The following SEC24D variants were observed in gnomAD, a reference collection of about 807,000 sequenced individuals.
SEC24D encodes SEC24 homolog D, COPII component, also known as protein transport protein Sec24D.
In SEC24D, 69 loss-of-function variants were observed where a neutral mutation model predicts 116.9. The observed-to-expected ratio is 0.59, with a 90% CI of 0.49 to 0.72. The LOEUF (loss-of-function observed/expected upper bound fraction) is 0.72, where lower values mean the gene tolerates loss of function less well. Among genes scored for constraint, SEC24D ranks in the 30% least tolerant of loss-of-function variants. The pLI, the probability that SEC24D is intolerant of heterozygous loss-of-function variation, is 0.00. For missense variants in SEC24D, 1,131 were observed against 1,264.1 expected (o/e 0.89, Z 1.60); for synonymous variants, 405 against 442.8 (o/e 0.91, Z 1.07).
intron 8 of SEC24D, among the ~76,000 whole-genome samples, chr4:118,770,267 T>A (rs1233336493): frequency 6.6e-6 from 1 of 152,190 alleles, no homozygotes; most frequent in Non-Finnish European, 1.5e-5. Context: ...GTGACAAATG[T>A]TTGTTCTCTT....
intron 4 of SEC24D, chr4:118,816,683 T>C (rs542442610): frequency 1.1e-4 from 37 of 331,254 alleles, no homozygotes; most frequent in African/African-American, 6.9e-4. Context: ...CATGGAAACA[T>C]TCTTCATCTA....
chr4:118,830,507 TAC>T (rs1204147890), intron 2 of SEC24D, among the ~76,000 whole-genome samples: 1 of 152,208 alleles, frequency 6.6e-6, no homozygotes, highest in African/African-American at 2.4e-5. Context: ...TAATGAGTGC[TAC>T]AGTTTGTCAT....
chr4:118,735,357 C>T (rs903764154), intron 19 of SEC24D, among the ~76,000 whole-genome samples: 7 of 152,146 alleles, frequency 4.6e-5, no homozygotes, highest in South Asian at 2.1e-4. Flanking sequence ...TCTCCCCACC[C>T]GACTGACCCC....
At position 118,831,526 on chromosome 4, in the gene SEC24D, C is replaced by A. The variant is rs945185857; in HGVS notation, c.118+2053G>T. On this transcript the variant is annotated intron_variant, in intron 2 of 22. Transcript: ENST00000280551. Reference sequence around the variant, plus strand: ...TGGGTCTAGAGCAAGCTTTTCCAACCCACGGCCCACACGCAGCCCAGGACA... The same window carrying A: ...TGGGTCTAGAGCAAGCTTTTCCAACACACGGCCCACACGCAGCCCAGGACA... Among the ~76,000 whole-genome samples the A allele has an allele frequency of 2.0e-5, 3 of 152,220 alleles. No individual in the cohort carries two copies. The South Asian group carries it at 6.2e-4, about 32-fold the overall frequency.
Position 118,797,469 on chromosome 4 carries a change from C to T in SEC24D, c.1041+214G>A, listed in dbSNP as rs28650354. On this transcript the variant is annotated intron_variant, in intron 8 of 22. Transcript: ENST00000280551. ...ATTACTACAATACGCCAAAAAGTGA[C>T]GCAGTCCATCTGTATTTGGTGTACA... 8.5e-3 allele frequency among the ~76,000 whole-genome samples: 1,287 copies of T among 152,270 alleles called. 16 individuals are homozygous for T. Among genetic ancestry groups the T allele is most frequent in the African/African-American group, 0.029 (1,204 of 41,540 alleles).
At chr4:118,741,719 C>G (rs997882447) in intron 15 of SEC24D, among the ~76,000 whole-genome samples, 1 of 152,170 alleles carries the variant, frequency 6.6e-6, no homozygotes, top group Admixed American at 6.6e-5. Context: ...CCCTTCCCCC[C>G]AGTCCCAAAC....
At chr4:118,766,823 A>T (rs964165413) in intron 9 of SEC24D, 1 of 152,162 alleles carries the variant, frequency 6.6e-6, no homozygotes, top group Admixed American at 6.5e-5. Context: ...TTCCTCTAAA[A>T]CTAAAGCACA....
intron 18 of SEC24D, among the ~76,000 whole-genome samples, chr4:118,738,697 T>C (rs1040309804): frequency 5.3e-5 from 8 of 152,166 alleles, no homozygotes; most frequent in African/African-American, 9.7e-5. Flanking sequence ...ACGGGCTGGA[T>C]TGCTACCTTT....
At position 118,815,444 on chromosome 4, in the gene SEC24D, G is replaced by A. The variant is rs1560746114; in HGVS notation, c.673+7C>T. 1 of 1,613,710 alleles carries A rather than the reference G, an allele frequency of 6.2e-7. No homozygotes were observed. Among genetic ancestry groups the A allele is most frequent in the East Asian group, 2.2e-5 (1 of 44,876 alleles). ...CAAAGCCTTCCCCTGCACCCTGTCC[G>A]CCTTACCCTGCTGCGGAGGATATCC... On this transcript the variant is annotated splice_region_variant and intron_variant, in intron 5 of 22. Coordinates refer to ENST00000280551, the MANE Select transcript of SEC24D (RefSeq NM_014822.4).
At chr4:118,734,824 A>G (rs986982655) in intron 19 of SEC24D, among the ~76,000 whole-genome samples, 1 of 152,198 alleles carries the variant, frequency 6.6e-6, no homozygotes, top group African/African-American at 2.4e-5. Flanking sequence ...TTTTTTCTCT[A>G]GCATAATATA....
chr4:118,810,645 G>A (rs1479676024), intron 6 of SEC24D, among the ~76,000 whole-genome samples: 1 of 152,232 alleles, frequency 6.6e-6, no homozygotes, highest in African/African-American at 2.4e-5. Flanking sequence ...CTTAGCCTTA[G>A]AGATTCTGAT....
chr4:118,801,135 A>G (rs1047835472), intron 7 of SEC24D, among the ~76,000 whole-genome samples: 9 of 151,948 alleles, frequency 5.9e-5, no homozygotes, highest in African/African-American at 1.5e-4. Context: ...GGTGGCGGGC[A>G]CCTGTAGTCC....
In SEC24D at chr4:118,812,034, G is replaced by A. The variant is rs114874295; in HGVS notation, c.801+2994C>T. Among the ~76,000 whole-genome samples the A allele has an allele frequency of 2.9e-3, 445 of 152,258 alleles. 3 individuals are homozygous for A. The highest frequency in any genetic ancestry group is 0.01 in the African/African-American group (422 of 41,550). ...TGGCCAAGAAAATGTAGCAGAAGTA[G>A]CGATGTGCCAGTTCCAAGCCTAAGC... On this transcript the variant is annotated intron_variant, in intron 6 of 22. Transcript: ENST00000280551.
chr4:118,758,988 T>C (rs952666266), intron 10 of SEC24D, among the ~76,000 whole-genome samples: 3 of 152,212 alleles, frequency 2.0e-5, no homozygotes, highest in African/African-American at 4.8e-5. Flanking sequence ...TGATTTATAA[T>C]GGATGAAAAT....
intron 19 of SEC24D, 123 bp downstream of exon 19, chr4:118,738,138 C>T (rs751179655): frequency 2.9e-6 from 2 of 688,804 alleles, no homozygotes. Context: ...ATCTTCTCAG[C>T]TACACTGTTT....
At chr4:118,827,495 A>G (rs1269545862) in intron 2 of SEC24D, among the ~76,000 whole-genome samples, 1 of 152,242 alleles carries the variant, frequency 6.6e-6, no homozygotes, top group Non-Finnish European at 1.5e-5. Flanking sequence ...GGCAGATACC[A>G]TGGACCAGTA....
intron 8 of SEC24D, among the ~76,000 whole-genome samples, chr4:118,780,906 G>GATTTTTTTTTTTTTTTTTTT (rs1728368824): frequency 2.8e-5 from 3 of 106,078 alleles, no homozygotes; most frequent in Non-Finnish European, 3.8e-5. Context: ...TGCAACCCCT[G>GATTTTTTTTTTTTTTTTTTT]CTTTTTTTTT....
chr4:118,784,036 C>G (rs2110489911), intron 8 of SEC24D, among the ~76,000 whole-genome samples: 1 of 152,360 alleles, frequency 6.6e-6, no homozygotes, highest in Non-Finnish European at 1.5e-5. Context: ...AACCTTGTCT[C>G]TATTTAAACA....
intron 20 of SEC24D, 144 bp from the exon 21 acceptor site, chr4:118,731,651 A>G (rs548800555): frequency 1.3e-4 from 87 of 663,692 alleles, no homozygotes; most frequent in Middle Eastern, 1.1e-3. Flanking sequence ...TCCAGTCATT[A>G]GAAAATAATC....
Sources: gnomAD v4.1 joint callset for allele counts (sites outside exome capture counted in the v4.1 genomes callset) on GRCh38, gnomAD v4.1.1 for gene constraint, MANE v1.5 for transcripts, NCBI Gene and HGNC (gene_info 2026-07-23, HGNC 2026-07-21) for gene names.